The following ZMYM2 variants were observed in gnomAD, a reference collection of about 807,000 sequenced individuals.
ZMYM2 encodes the protein zinc finger MYM-type protein 2.
Under a neutral mutation model 162.8 loss-of-function variants are expected in ZMYM2, and 56 were observed. The observed-to-expected ratio is 0.34, with a 90% CI of 0.28 to 0.43. The LOEUF (loss-of-function observed/expected upper bound fraction) is 0.43, where lower values mean the gene tolerates loss of function less well. Ranked by LOEUF, ZMYM2 falls within the 20% of genes least tolerant of loss-of-function variation. The probability of loss-of-function intolerance (pLI) is 1.00; values close to 1 mark genes in which losing one functional copy is unlikely to be tolerated. For missense variants in ZMYM2, 1,275 were observed against 1,621.8 expected, an observed-to-expected ratio of 0.79 and a Z score of 3.67; for synonymous variants, 510 against 541.6, an observed-to-expected ratio of 0.94 and a Z score of 0.81.
chr13:20,082,777 T>G lies in ZMYM2; in HGVS notation c.3569-4T>G. On this transcript the variant is annotated splice_polypyrimidine_tract_variant and splice_region_variant and intron_variant, in intron 22 of 24. Coordinates refer to ENST00000610343, the MANE Select transcript of ZMYM2 (RefSeq NM_197968.4). ...TTCTTTTAAAATAGTTCTCTCTATT[T>G]AAGGGTCAATATTCTCTCGAGTTGA... The G allele has an allele frequency of 6.3e-7, 1 of 1,582,360 alleles. No individual in the cohort carries two copies. The highest frequency in any genetic ancestry group is 8.6e-7 in the Non-Finnish European group (1 of 1,163,092).
intron 6 of ZMYM2, among the ~76,000 whole-genome samples, chr13:20,015,733 T>C (rs1323537658): frequency 6.6e-6 from 1 of 152,170 alleles, no homozygotes; most frequent in African/African-American, 2.4e-5. Flanking sequence ...TATGTATTTT[T>C]CTGTCTCTTG....
intron 21 of ZMYM2, among the ~76,000 whole-genome samples, chr13:20,069,921 G>T (rs1956954463): frequency 6.6e-6 from 1 of 151,868 alleles, no homozygotes; most frequent in Non-Finnish European, 1.5e-5. Context: ...TTTACAAAAG[G>T]AGATAGCTTC....
chr13:19,918,495 CTTTTTTTTTT>C, the ZMYM2 span, among the ~76,000 whole-genome samples: 132 of 107,498 alleles, frequency 1.2e-3, no homozygotes, highest in Non-Finnish European at 2.1e-3. Context: ...TTCTTTCTTT[CTTTTTTTTTT>C]TTTTTTTTTT....
chr13:19,879,126 ACATTT>A, the ZMYM2 span, among the ~76,000 whole-genome samples: 6 of 152,294 alleles, frequency 3.9e-5, no homozygotes, highest in African/African-American at 9.6e-5. Context: ...CTTAGCACTT[ACATTT>A]AAGTCTTTGA....
chr13:20,019,492 A>G (rs947329678), intron 6 of ZMYM2, 55 bp from the exon 7 acceptor site: 29 of 1,419,452 alleles, frequency 2.0e-5, no homozygotes, highest in African/African-American at 4.3e-5. Flanking sequence ...TTACCTTTCA[A>G]TGTAGCAGCT....
the ZMYM2 span, among the ~76,000 whole-genome samples, chr13:19,912,292 GTTTTTTTT>G: frequency 1.5e-4 from 11 of 75,714 alleles, no homozygotes; most frequent in Admixed American, 1.4e-3. Context: ...TGTTTTTTGG[GTTTTTTTT>G]TTTTTTTTTT....
At chr13:20,036,651 A>G (rs1433235066) in intron 11 of ZMYM2, 86 bp from the exon 12 acceptor site, 1 of 1,165,152 alleles carries the variant, frequency 8.6e-7, no homozygotes, top group Non-Finnish European at 1.1e-6. Flanking sequence ...GAGAGGAAAA[A>G]TCTTGACCAA....
At chr13:20,026,557 C>A in intron 7 of ZMYM2, 55 bp from the exon 8 acceptor site, 1 of 1,509,432 alleles carries the variant, frequency 6.6e-7, no homozygotes, top group Non-Finnish European at 8.9e-7. Flanking sequence ...ATTGGTAATT[C>A]TTTTCTAGTT....
intron 2 of ZMYM2, among the ~76,000 whole-genome samples, chr13:19,968,217 T>G (rs747087745): frequency 1.6e-4 from 24 of 152,320 alleles, no homozygotes; most frequent in Non-Finnish European, 2.8e-4. Context: ...CTCATAGTTA[T>G]GACCACCTCC....
chr13:20,088,731 A>C lies in ZMYM2; in HGVS notation c.*2717A>C, dbSNP rs1958404912. On this transcript the variant is annotated 3_prime_UTR_variant, in exon 25 of 25. Coordinates refer to ENST00000610343, the MANE Select transcript of ZMYM2 (RefSeq NM_197968.4). ...AAACATTGAAGTAGGAGGAGGATGC[A>C]TATTGTACTATGCATTCAAATTTAT... 5.1e-6 allele frequency: 1 copy of C among 195,448 alleles called. No individual in the cohort carries two copies. The allele number at this position is 195,448 out of a possible 1,614,324, so 12.1% of individuals were successfully genotyped here. A position where few individuals can be genotyped will look rare whatever the true frequency, so the allele number is the denominator to read the frequency against.
At chr13:20,002,767 G>A in intron 3 of ZMYM2, 83 bp from the exon 4 acceptor site, 1 of 1,492,766 alleles carries the variant, frequency 6.7e-7, no homozygotes, top group Non-Finnish European at 9.0e-7. Flanking sequence ...AAAATGGGAA[G>A]TTAATATTTC....
chr13:20,083,224 GGC>G (rs1437337604), intron 23 of ZMYM2, among the ~76,000 whole-genome samples, 192 bp downstream of exon 23: 12 of 152,118 alleles, frequency 7.9e-5, no homozygotes, highest in Non-Finnish European at 5.9e-5. Flanking sequence ...CACCATGCCT[GGC>G]TAACTTTGTA....
In ZMYM2 at chr13:20,067,334, A is replaced by G; in HGVS notation, c.3397A>G (p.Asn1133Asp). The change falls in exon 21 of 25, where the codon AAT becomes GAT. Residue 1133 changes from asparagine to aspartate, a missense_variant. Around this residue, in one of 10 missense-constraint regions of ZMYM2, gnomAD observed 229 missense variants for 283.8 expected, o/e 0.81. Transcript: ENST00000610343. ...AHFVNEIRRP[N>D]GENYAPDSIY... ...TTTTGTCAATGAGATCCGACGGCCA[A>G]ATGGAGAGAATTATGCACCTGACAG... 1 of 1,610,822 alleles carries G rather than the reference A, an allele frequency of 6.2e-7. No individual in the cohort carries two copies. Among genetic ancestry groups the G allele is most frequent in the Non-Finnish European group, 8.5e-7 (1 of 1,178,390 alleles).
At chr13:20,024,634 T>G (rs1037672261) in intron 7 of ZMYM2, 3 of 224,076 alleles carry the variant, frequency 1.3e-5, no homozygotes, top group African/African-American at 6.7e-5. Context: ...TTTCATTGAT[T>G]TGCTTTGTTT....
chr13:19,864,378 G>C, the ZMYM2 span: 28 of 155,114 alleles, frequency 1.8e-4, no homozygotes, highest in African/African-American at 6.5e-4. Context: ...ACCAAACCCC[G>C]TGGGGCCAGG....
rs754026409 is a variant in ZMYM2, at chr13:20,061,030, C to T, written c.2740-23C>T. ...ACCTTTTAATGTTTAGTAAACCTAA[C>T]TCAAAATGATTTGGTTAATTAGGTG... On this transcript the variant is annotated intron_variant, in intron 16 of 24. Transcript: ENST00000610343. 3.8e-6 allele frequency: 6 copies of T among 1,591,754 alleles called. No homozygotes were observed. The Admixed American group carries it at 8.9e-5, about 23-fold the overall frequency.
chr13:20,082,914 A>G lies in ZMYM2; in HGVS notation c.3702A>G (p.Gln1234=), dbSNP rs369735750. 3.0e-5 allele frequency: 48 copies of G among 1,613,994 alleles called. No individual in the cohort carries two copies. The African/African-American group carries it at 6.1e-4, about 21-fold the overall frequency. ...TKYFGLKTVE[Q]HLRLSFGTVF... ...ATTTTGGCCTGAAAACAGTGGAACA[A>G]CACTTAAGACTTTCCTTTGGCACTG... Residue 1234 remains glutamine, a synonymous_variant, in exon 23 of 25, where the codon CAA becomes CAG. Transcript: ENST00000610343.
intron 21 of ZMYM2, among the ~76,000 whole-genome samples, chr13:20,069,487 T>G (rs529790661): frequency 4.5e-4 from 69 of 152,134 alleles, no homozygotes; most frequent in African/African-American, 1.5e-3. Context: ...TGACTGAGAA[T>G]TTTTTCAACT....
At chr13:20,026,568 A>G in intron 7 of ZMYM2, 44 bp from the exon 8 acceptor site, 3 of 1,535,308 alleles carry the variant, frequency 2.0e-6, no homozygotes, top group Non-Finnish European at 2.6e-6. Flanking sequence ...TTTTCTAGTT[A>G]AGTTGTAGTC....
Sources: gnomAD v4.1 joint callset for allele counts (sites outside exome capture counted in the v4.1 genomes callset) on GRCh38, gnomAD v4.1.1 for gene constraint, gnomAD v4.1.1 regional missense constraint, MANE v1.5 for transcripts, NCBI Gene and HGNC (gene_info 2026-07-23, HGNC 2026-07-21) for gene names.